Variants in TMEM132B observed in about 807,000 individuals in gnomAD.
TMEM132B encodes transmembrane protein 132B.
TMEM132B carries 18 observed loss-of-function variants against 90.8 expected under a neutral mutation model. The ratio of observed to expected loss-of-function variants is 0.20; its 90% CI spans 0.14 to 0.29. The LOEUF is 0.29. TMEM132B is among the 10% of genes least tolerant of loss of function. TMEM132B has a pLI of 1.00. For missense variants in TMEM132B, 1,096 were observed against 1,326.8 expected (o/e 0.83, Z 2.70); for synonymous variants, 504 against 523.3 (o/e 0.96, Z 0.50).
At chr12:125,373,942 G>A (rs972585588) in intron 2 of TMEM132B, among the ~76,000 whole-genome samples, 7 of 152,232 alleles carry the variant, frequency 4.6e-5, no homozygotes, top group Non-Finnish European at 7.4e-5. Flanking sequence ...TTACAGGCAC[G>A]CACCACCAAG....
intron 3 of TMEM132B, among the ~76,000 whole-genome samples, chr12:125,461,226 A>T (rs149744169): frequency 2.0e-5 from 3 of 151,066 alleles, no homozygotes; most frequent in African/African-American, 7.3e-5. Flanking sequence ...ATTCAGGGAG[A>T]TGCATTTGGA....
intron 5 of TMEM132B, among the ~76,000 whole-genome samples, chr12:125,595,871 C>CCT (rs572631098): frequency 6.8e-6 from 1 of 146,154 alleles, no homozygotes; most frequent in African/African-American, 2.5e-5. Flanking sequence ...CTCAGGGCGG[C>CCT]TTTTTTTTTT....
intron 4 of TMEM132B, among the ~76,000 whole-genome samples, chr12:125,570,187 TG>T (rs1884758487): frequency 6.6e-6 from 1 of 152,222 alleles, no homozygotes; most frequent in Non-Finnish European, 1.5e-5. Context: ...GTGACTTTAA[TG>T]GGTTGAGTTT....
rs367974333 is a variant in TMEM132B, at chr12:125,322,029, A to G, written c.68-27423A>G. ...ATGGGTGACTTAATTATTATGCGAA[A>G]TAAAAGAAGTCGGGCACAAAGGTCT... On this transcript the variant is annotated intron_variant, in intron 1 of 8. Transcript: ENST00000682704. 7.2e-5 allele frequency among the ~76,000 whole-genome samples: 11 copies of G among 152,338 alleles called. No individual in the cohort carries two copies. The East Asian group carries it at 9.6e-4, about 13-fold the overall frequency.
chr12:125,550,924 C>G (rs1884213317), intron 4 of TMEM132B, among the ~76,000 whole-genome samples: 1 of 152,136 alleles, frequency 6.6e-6, no homozygotes, highest in African/African-American at 2.4e-5. Flanking sequence ...GTGATTCTCC[C>G]CCCTCAGCCT....
Position 125,415,491 on chromosome 12 carries a change from G to T in TMEM132B, c.960-40G>T, listed in dbSNP as rs1157593204. The T allele has an allele frequency of 1.9e-6, 3 of 1,605,430 alleles. No individual in the cohort carries two copies. Among genetic ancestry groups the T allele is most frequent in the Non-Finnish European group, 2.6e-6 (3 of 1,175,842 alleles). On this transcript the variant is annotated intron_variant, in intron 2 of 8. Coordinates refer to ENST00000682704, the MANE Select transcript of TMEM132B (RefSeq NM_001366854.1). The surrounding 1 kb of genome is among the most constrained non-coding windows in gnomAD (Gnocchi z 5.3). Reference sequence around the variant, plus strand: ...TTACTACCTGTTTCAAACTAAAATGGTTTTATTATATATAATATCATTGTT... The same window carrying T: ...TTACTACCTGTTTCAAACTAAAATGTTTTTATTATATATAATATCATTGTT...
Position 125,349,933 on chromosome 12 carries a change from G to T in TMEM132B, c.549G>T (p.Gly183=). 6.2e-7 allele frequency: 1 copy of T among 1,614,186 alleles called. No individual in the cohort carries two copies. The highest frequency in any genetic ancestry group is 1.1e-5 in the South Asian group (1 of 91,084). The change falls in exon 2 of 9, where the codon GGG becomes GGT. Residue 183 remains glycine, a synonymous_variant. Coordinates refer to ENST00000682704, the MANE Select transcript of TMEM132B (RefSeq NM_001366854.1). The surrounding 1 kb of genome is among the most constrained non-coding windows in gnomAD (Gnocchi z 4.1). ...REVAASCRLQ[G]APGLCVAELE... ...TGGCAGCCAGCTGTCGGCTGCAAGG[G>T]GCCCCAGGGCTGTGTGTGGCTGAGC...
intron 5 of TMEM132B, among the ~76,000 whole-genome samples, chr12:125,591,386 C>T (rs1333668280): frequency 6.6e-6 from 1 of 152,106 alleles, no homozygotes; most frequent in Non-Finnish European, 1.5e-5. Flanking sequence ...CGTAGCATCT[C>T]CAACTCTCTC....
chr12:125,522,890 A>T (rs976804333), intron 4 of TMEM132B, among the ~76,000 whole-genome samples: 1 of 152,208 alleles, frequency 6.6e-6, no homozygotes, highest in Non-Finnish European at 1.5e-5. Context: ...AATAGGGCTC[A>T]GATCTATTTT....
chr12:125,349,533 C>G lies in TMEM132B; in HGVS notation c.149C>G (p.Ser50Cys), dbSNP rs1877483628. The G allele has an allele frequency of 1.2e-6, 2 of 1,614,206 alleles. No individual in the cohort carries two copies. Among genetic ancestry groups the G allele is most frequent in the East Asian group, 2.2e-5 (1 of 44,880 alleles). The change falls in exon 2 of 9, where the codon TCC becomes TGC. Residue 50 changes from serine (S) to cysteine (C), a missense_variant. Ser to Cys is a moderately radical substitution (Grantham distance 112). Transcript: ENST00000682704. The surrounding 1 kb of genome is among the most constrained non-coding windows in gnomAD (Gnocchi z 4.1). ...TACCTCCCCACGAACTTGCACATCT[C>G]CAATGCAGAGGAGTCCTTTTTCCTT... Reference protein sequence around the residue: ...PAYLPTNLHISNAEESFFLKE... With the variant: ...PAYLPTNLHICNAEESFFLKE...
chr12:125,535,336 T>C (rs1883768236), intron 4 of TMEM132B, among the ~76,000 whole-genome samples: 1 of 152,148 alleles, frequency 6.6e-6, no homozygotes, highest in African/African-American at 2.4e-5. Flanking sequence ...AAAAGATGAA[T>C]CAAGTTTCCA....
chr12:125,509,447 AC>A (rs1179396421), intron 3 of TMEM132B, among the ~76,000 whole-genome samples: 1 of 152,204 alleles, frequency 6.6e-6, no homozygotes, highest in East Asian at 1.9e-4. Context: ...GAGGAGAACA[AC>A]TAGGCCTCTC....
chr12:125,468,119 T>C (rs2136489489), intron 3 of TMEM132B, among the ~76,000 whole-genome samples: 1 of 152,046 alleles, frequency 6.6e-6, no homozygotes, highest in South Asian at 2.1e-4. Context: ...CTCTTGCATA[T>C]GTATCTAGGA....
chr12:125,232,201 C>T (rs1473403446), intron 1 of TMEM132B, among the ~76,000 whole-genome samples: 12 of 151,688 alleles, frequency 7.9e-5, no homozygotes, highest in Non-Finnish European at 1.0e-4. Flanking sequence ...AGTTTTTTTC[C>T]TCATTATAAA....
chr12:125,652,382 A>G, intron 7 of TMEM132B, 59 bp from the exon 8 acceptor site: 1 of 1,469,176 alleles, frequency 6.8e-7, no homozygotes, highest in Non-Finnish European at 9.1e-7. Flanking sequence ...GCCCCAGTTA[A>G]GGGATTCATG....
At chr12:125,447,869 T>A (rs1393232935) in intron 3 of TMEM132B, among the ~76,000 whole-genome samples, 1 of 152,244 alleles carries the variant, frequency 6.6e-6, no homozygotes, top group East Asian at 1.9e-4. Context: ...GCTGTCAGTC[T>A]ATTTTTACTT....
intron 5 of TMEM132B, among the ~76,000 whole-genome samples, chr12:125,628,573 A>G (rs903726131): frequency 2.0e-5 from 3 of 152,112 alleles, no homozygotes; most frequent in Non-Finnish European, 4.4e-5. Flanking sequence ...ATAGTCTGCA[A>G]GTATTTCTAT....
At chr12:125,218,950 G>C (rs961860463) in intron 1 of TMEM132B, among the ~76,000 whole-genome samples, 4 of 152,068 alleles carry the variant, frequency 2.6e-5, no homozygotes, top group Non-Finnish European at 5.9e-5. Context: ...TTTGAAACTA[G>C]ATAAAGGTGG....
At chr12:125,390,611 C>T (rs1257019945) in intron 2 of TMEM132B, among the ~76,000 whole-genome samples, 1 of 152,224 alleles carries the variant, frequency 6.6e-6, no homozygotes, top group Non-Finnish European at 1.5e-5. Context: ...AAAAGCATTG[C>T]ATCTTTCTCG....
Sources: allele counts gnomAD v4.1 joint callset (sites outside exome capture counted in the v4.1 genomes callset), GRCh38; gene constraint gnomAD v4.1.1; non-coding constraint Gnocchi (gnomAD v3.1); transcripts MANE v1.5; gene names NCBI Gene and HGNC (gene_info 2026-07-23, HGNC 2026-07-21).